CACNA2D3: variants seen among roughly 807,000 people sequenced by gnomAD.
CACNA2D3 encodes voltage-dependent calcium channel subunit alpha-2/delta-3.
In CACNA2D3, 60 loss-of-function variants were observed where a neutral mutation model predicts 160.6. That is an observed-to-expected ratio of 0.37 (90% CI 0.30 to 0.46). CACNA2D3 has a LOEUF of 0.46. Among genes scored for constraint, CACNA2D3 ranks in the 20% least tolerant of loss-of-function variants. The pLI is 1.00. For missense variants in CACNA2D3, 1,205 were observed against 1,365.0 expected, an observed-to-expected ratio of 0.88 and a Z score of 1.85; for synonymous variants, 558 against 492.9, an observed-to-expected ratio of 1.13 and a Z score of -1.75.
At chr3:54,636,381 G>T (rs1575397612) in intron 10 of CACNA2D3, among the ~76,000 whole-genome samples, 1 of 152,082 alleles carries the variant, frequency 6.6e-6, no homozygotes, top group South Asian at 2.1e-4. Flanking sequence ...TTGAAGTCCG[G>T]GCCAGGAACA....
intron 9 of CACNA2D3, among the ~76,000 whole-genome samples, chr3:54,585,727 T>G (rs1162323901): frequency 6.6e-6 from 1 of 152,146 alleles, no homozygotes; most frequent in Non-Finnish European, 1.5e-5. Context: ...CTCAGTATCA[T>G]GAGAACAGCA....
At chr3:54,460,822 A>C (rs1700489661) in intron 4 of CACNA2D3, among the ~76,000 whole-genome samples, 1 of 152,078 alleles carries the variant, frequency 6.6e-6, no homozygotes, top group African/African-American at 2.4e-5. Flanking sequence ...GTTGAATAGG[A>C]GTGGTGAGAG....
intron 27 of CACNA2D3, among the ~76,000 whole-genome samples, chr3:54,959,669 G>A (rs1222433357): frequency 6.6e-6 from 1 of 152,082 alleles, no homozygotes; most frequent in Non-Finnish European, 1.5e-5. Context: ...ACATTGATTT[G>A]TGCAGCCCTG....
intron 27 of CACNA2D3, among the ~76,000 whole-genome samples, chr3:54,959,965 C>A (rs925487271): frequency 2.0e-5 from 3 of 151,262 alleles, no homozygotes; most frequent in Non-Finnish European, 4.4e-5. Context: ...CCTGCTAATT[C>A]TTTTCAACAT....
chr3:54,215,926 A>G (rs1701453808), intron 2 of CACNA2D3, among the ~76,000 whole-genome samples: 1 of 150,366 alleles, frequency 6.7e-6, no homozygotes, highest in African/African-American at 2.5e-5. Flanking sequence ...TCTCTTATGG[A>G]ACGATCGTGA....
rs1401834228 is a variant in CACNA2D3, at chr3:54,618,379, A to ATATG, written c.964-9408_964-9407insTATG. ...TATATATATATATATATATATGCAC[A>ATATG]CACACACACACACACACACACACAC... On this transcript the variant is annotated intron_variant, in intron 9 of 37. Transcript: ENST00000474759. Among the ~76,000 whole-genome samples the ATATG allele has an allele frequency of 8.1e-3, 1,151 of 141,390 alleles. 14 individuals are homozygous for ATATG. Among genetic ancestry groups the ATATG allele is most frequent in the African/African-American group, 0.023 (858 of 37,880 alleles). 92.8% of individuals were successfully genotyped at this position (141,390 alleles called of 152,430 possible).
At chr3:55,070,297 G>A (rs1001993923) in intron 35 of CACNA2D3, among the ~76,000 whole-genome samples, 1 of 152,176 alleles carries the variant, frequency 6.6e-6, no homozygotes, top group Non-Finnish European at 1.5e-5. Flanking sequence ...TACAATTTCT[G>A]AAGGAGGGAG....
At chr3:54,132,062 C>T (rs528693909) in intron 2 of CACNA2D3, among the ~76,000 whole-genome samples, 11 of 152,334 alleles carry the variant, frequency 7.2e-5, no homozygotes, top group South Asian at 2.1e-4. Context: ...TCCAGCTTTA[C>T]GCTCAGCCTC....
chr3:54,459,083 C>A (rs1011735226), intron 4 of CACNA2D3, among the ~76,000 whole-genome samples: 1 of 152,042 alleles, frequency 6.6e-6, no homozygotes, highest in East Asian at 1.9e-4. Flanking sequence ...TCATCCATGT[C>A]CCTACAAAGG....
intron 11 of CACNA2D3, among the ~76,000 whole-genome samples, chr3:54,696,722 A>G (rs1700673340): frequency 1.3e-5 from 2 of 152,168 alleles, no homozygotes; most frequent in African/African-American, 4.8e-5. Flanking sequence ...GGAAGACCCT[A>G]TTCTCTGCTC....
chr3:54,801,461 G>A lies in CACNA2D3; in HGVS notation c.1381-15392G>A, dbSNP rs893021253. Among the ~76,000 whole-genome samples, 6 of 152,140 alleles carry A rather than the reference G, an allele frequency of 3.9e-5. No individual in the cohort carries two copies. In the South Asian group the frequency reaches 1.0e-3, roughly 26 times the overall value. ...CACCTTCTTGAAAAGTTGAGAGGGTGCCTAACAATTTGACTACAAGGATGT... is the reference window on the plus strand; with the variant it reads ...CACCTTCTTGAAAAGTTGAGAGGGTACCTAACAATTTGACTACAAGGATGT... On this transcript the variant is annotated intron_variant, in intron 13 of 37. Coordinates refer to ENST00000474759, the MANE Select transcript of CACNA2D3 (RefSeq NM_018398.3).
At chr3:54,654,359 A>G (rs1699836334) in intron 11 of CACNA2D3, among the ~76,000 whole-genome samples, 1 of 152,134 alleles carries the variant, frequency 6.6e-6, no homozygotes, top group South Asian at 2.1e-4. Flanking sequence ...CAGAAGTGCC[A>G]CTCAGTGTGG....
At chr3:54,752,745 T>A (rs1701884542) in intron 12 of CACNA2D3, 68 bp downstream of exon 12, 1 of 1,119,862 alleles carries the variant, frequency 8.9e-7, no homozygotes, top group Non-Finnish European at 1.3e-6. Context: ...GGAATATTCA[T>A]GAGAAAGTAG....
At chr3:54,297,397 G>A (rs370999250) in intron 2 of CACNA2D3, among the ~76,000 whole-genome samples, 2 of 152,080 alleles carry the variant, frequency 1.3e-5, no homozygotes, top group Non-Finnish European at 2.9e-5. Flanking sequence ...GAGTCCTGGT[G>A]GGGGGTGTAG....
chr3:54,276,587 AAAAGAAG>A (rs1285104590), intron 2 of CACNA2D3, among the ~76,000 whole-genome samples: 1 of 108,776 alleles, frequency 9.2e-6, no homozygotes, highest in African/African-American at 2.8e-5. Flanking sequence ...AAAAAAAAAA[AAAAGAAG>A]AAGAAGAAAG....
At chr3:54,299,126 A>G (rs1411319149) in intron 2 of CACNA2D3, among the ~76,000 whole-genome samples, 1 of 151,788 alleles carries the variant, frequency 6.6e-6, no homozygotes, top group Non-Finnish European at 1.5e-5. Context: ...TTGATACCTC[A>G]CTGGCTTGTT....
chr3:54,977,140 C>T (rs1702408744), intron 29 of CACNA2D3, among the ~76,000 whole-genome samples: 1 of 151,938 alleles, frequency 6.6e-6, no homozygotes, highest in Admixed American at 6.6e-5. Flanking sequence ...AATATGAAAT[C>T]CTTCACTTTA....
At chr3:55,046,035 CT>C (rs1283098179) in intron 35 of CACNA2D3, among the ~76,000 whole-genome samples, 1 of 151,716 alleles carries the variant, frequency 6.6e-6, no homozygotes, top group Non-Finnish European at 1.5e-5. Context: ...GAAATTTTCT[CT>C]GAAGTACTTC....
intron 17 of CACNA2D3, among the ~76,000 whole-genome samples, chr3:54,849,596 G>A (rs1242172826): frequency 6.6e-6 from 1 of 152,212 alleles, no homozygotes; most frequent in Non-Finnish European, 1.5e-5. Flanking sequence ...GGAACAGCCA[G>A]CTGCTAGCAG....
Sources: allele counts gnomAD v4.1 joint callset (sites outside exome capture counted in the v4.1 genomes callset), GRCh38; gene constraint gnomAD v4.1.1; transcripts MANE v1.5; gene names NCBI Gene and HGNC (gene_info 2026-07-23, HGNC 2026-07-21).